TCEAL2: variants seen among roughly 807,000 people sequenced by gnomAD.
TCEAL2 encodes the protein transcription elongation factor A protein-like 2.
For missense variants in TCEAL2, 169 were observed against 166.6 expected, an observed-to-expected ratio of 1.01 and a Z score of -0.08; for synonymous variants, 65 against 57.9, an observed-to-expected ratio of 1.12 and a Z score of -0.55.
intron 1 of TCEAL2, chrX:102,126,167 C>T: frequency 7.9e-6 from 3 of 378,021 alleles, no homozygotes; most frequent in Non-Finnish European, 1.3e-5. Flanking sequence ...AGGTTGCCTC[C>T]GGGGAAGGGG....
chrX:102,126,462 G>A lies in TCEAL2; in HGVS notation c.-28+17G>A, dbSNP rs770129822. 2.7e-5 allele frequency: 28 copies of A among 1,022,202 alleles called. No individual in the cohort carries two copies. The Admixed American group carries it at 6.8e-4, about 25-fold the overall frequency. 84.2% of individuals were successfully genotyped at this position (1,022,202 alleles called of 1,213,427 possible). A position where few individuals can be genotyped will look rare whatever the true frequency, so the allele number is the denominator to read the frequency against. ...TCCCCGCAGGTCCGTGAAAGCAGGG[G>A]GCTGCATGGACAGGGGCCCACAAGG... On this transcript the variant is annotated intron_variant, in intron 2 of 2. Coordinates refer to ENST00000372780, the MANE Select transcript of TCEAL2 (RefSeq NM_080390.4).
At chrX:102,125,861 T>C (rs1602413151) in intron 1 of TCEAL2, 55 bp downstream of exon 1, 1 of 88,680 alleles carries the variant, frequency 1.1e-5, no homozygotes, top group African/African-American at 4.2e-5. Context: ...TGGAGGGGGC[T>C]GGCAGTAGGA....
Position 102,126,938 on chromosome X carries a change from G to A in TCEAL2, c.108G>A (p.Leu36=). The A allele has an allele frequency of 8.3e-7, 1 of 1,211,881 alleles. No individual in the cohort carries two copies. Among genetic ancestry groups the A allele is most frequent in the Non-Finnish European group, 1.1e-6 (1 of 895,406 alleles). Residue 36 remains leucine (L), a synonymous_variant, in exon 3 of 3, where the codon CTG becomes CTA. Transcript: ENST00000372780. ...GAAAGCCAGAAGTAGCTTGTATTCT[G>A]GAAGACAAGAAGTTAGAAAACGAGG... ...HEGKPEVACI[L]EDKKLENEGN...
At position 102,127,151 on chromosome X, in the gene TCEAL2, CAGTGAAAGAGAGCCAGAG is replaced by C. The variant is rs1351371443; in HGVS notation, c.327_344del (p.Arg110_Glu115del). The C allele has an allele frequency of 8.3e-7, 1 of 1,207,936 alleles. No individual in the cohort carries two copies. Among genetic ancestry groups the C allele is most frequent in the East Asian group, 3.0e-5 (1 of 33,760 alleles). On this transcript the variant is annotated inframe_deletion, in exon 3 of 3. Transcript: ENST00000372780. ...GGGCAGAGGGTGAAGGAGAGCCAGA[CAGTGAAAGAGAGCCAGAG>C]AGTGAGGGAGAGCCAGAAAGTGAAA...
rs773026689 is a variant in TCEAL2, at chrX:102,127,151, C to G, written c.321C>G (p.Asp107Glu). The change falls in exon 3 of 3, where the codon GAC becomes GAG. Residue 107 changes from aspartate to glutamate, a missense_variant. By Grantham distance (45) the Asp-to-Glu change is conservative. Coordinates refer to ENST00000372780, the MANE Select transcript of TCEAL2 (RefSeq NM_080390.4). ...GGGCAGAGGGTGAAGGAGAGCCAGA[C>G]AGTGAAAGAGAGCCAGAGAGTGAGG... ...GGRAEGEGEP[D>E]SEREPESEGE... 1.7e-6 allele frequency: 2 copies of G among 1,207,936 alleles called. No individual in the cohort carries two copies. The highest frequency in any genetic ancestry group is 1.8e-5 in the South Asian group (1 of 56,740).
chrX:102,127,321 A>G lies in TCEAL2; in HGVS notation c.491A>G (p.Asn164Ser). The G allele has an allele frequency of 8.3e-7, 1 of 1,211,479 alleles. No individual in the cohort carries two copies. Among genetic ancestry groups the G allele is most frequent in the Non-Finnish European group, 1.1e-6 (1 of 895,446 alleles). ...KEAIHDMNFS[N>S]EDMIREFDNM... ...GCCATACATGATATGAATTTCAGCA[A>G]TGAGGACATGATAAGAGAATTTGAC... Residue 164 changes from asparagine (N) to serine (S), a missense_variant, in exon 3 of 3, where the codon AAT becomes AGT. Coordinates refer to ENST00000372780, the MANE Select transcript of TCEAL2 (RefSeq NM_080390.4).
chrX:102,126,662 G>C lies in TCEAL2; in HGVS notation c.-27-142G>C, dbSNP rs184041046. The C allele has an allele frequency of 3.3e-4, 201 of 616,898 alleles. No individual in the cohort carries two copies. The African/African-American group carries it at 4.0e-3, about 12-fold the overall frequency. The allele number at this position is 616,898 out of a possible 1,213,427, so 50.8% of individuals were successfully genotyped here. Reference sequence around the variant, plus strand: ...TGGTGGGCTACGTGGTGGGCAGAAGGCCCTCTTGGAGGCCCAGTCAGCTTA... The same window carrying C: ...TGGTGGGCTACGTGGTGGGCAGAAGCCCCTCTTGGAGGCCCAGTCAGCTTA... On this transcript the variant is annotated intron_variant, in intron 2 of 2. Transcript: ENST00000372780.
rs780777631 is a variant in TCEAL2, at chrX:102,127,157, A to AAGAGAGCCAGAGAGTGAG, written c.328_345dup (p.Arg110_Glu115dup). 6 of 1,210,044 alleles carry AAGAGAGCCAGAGAGTGAG rather than the reference A, an allele frequency of 5.0e-6. No homozygotes were observed. The East Asian group carries it at 1.2e-4, about 24-fold the overall frequency. On this transcript the variant is annotated inframe_insertion, in exon 3 of 3. Coordinates refer to ENST00000372780, the MANE Select transcript of TCEAL2 (RefSeq NM_080390.4). ...AGGGTGAAGGAGAGCCAGACAGTGAAAGAGAGCCAGAGAGTGAGGGAGAGC... is the reference window on the plus strand; with the variant it reads ...AGGGTGAAGGAGAGCCAGACAGTGAAAGAGAGCCAGAGAGTGAGAGAGAGCCAGAGAGTGAGGGAGAGC...
In TCEAL2 at chrX:102,126,925, T is replaced by C; in HGVS notation, c.95T>C (p.Val32Ala). ...EQPPHEGKPE[V>A]ACILEDKKLE... is the part of the protein sequence containing the mutation. The stretch of plus-strand genomic sequence containing the variant: ...CCACCGCACGAGGGAAAGCCAGAAG[T>C]AGCTTGTATTCTGGAAGACAAGAAG... The change falls in exon 3 of 3, where the codon GTA (valine) becomes GCA (alanine). Residue 32 changes from valine to alanine, a missense_variant. Val to Ala is a moderately conservative substitution (Grantham distance 64, BLOSUM62 0). Transcript: ENST00000372780. 8.3e-7 allele frequency: 1 copy of C among 1,210,919 alleles called. No homozygotes were observed.
rs200939077 is a variant in TCEAL2 at position 102,127,290 on chromosome X, A to G, written c.460A>G (p.Lys154Glu). 2.5e-6 allele frequency: 3 copies of G among 1,209,740 alleles called. No homozygotes were observed. The highest frequency in any genetic ancestry group is 3.4e-6 in the Non-Finnish European group (3 of 895,164). The change falls in exon 3 of 3, where the codon AAG (lysine) becomes GAG (glutamate). Residue 154 changes from lysine to glutamate, a missense_variant. Coordinates refer to ENST00000372780, the MANE Select transcript of TCEAL2 (RefSeq NM_080390.4). ...GCTGGCTCAGTACCTCAAGCAATAT[A>G]AGGAAGCCATACATGATATGAATTT... ...KGLAQYLKQY[K>E]EAIHDMNFSN...
chrX:102,126,382 T>C lies in TCEAL2; in HGVS notation c.-91T>C. 1 of 1,103,154 alleles carries C rather than the reference T, an allele frequency of 9.1e-7. No individual in the cohort carries two copies. Among genetic ancestry groups the C allele is most frequent in the Non-Finnish European group, 1.2e-6 (1 of 817,770 alleles). The allele number at this position is 1,103,154 out of a possible 1,213,427, so 90.9% of individuals were successfully genotyped here. On this transcript the variant is annotated 5_prime_UTR_variant, in exon 2 of 3. Coordinates refer to ENST00000372780, the MANE Select transcript of TCEAL2 (RefSeq NM_080390.4). ...TCCTGTCTGTCCGCAGGTCTGCGCG[T>C]CTGTTGTTCCCAGCGCTCTGAGAGG...
In TCEAL2 at chrX:102,126,397, G is replaced by C; in HGVS notation, c.-76G>C. The C allele has an allele frequency of 2.7e-6, 3 of 1,105,349 alleles. No individual in the cohort carries two copies. Among genetic ancestry groups the C allele is most frequent in the Non-Finnish European group, 1.2e-6 (1 of 819,248 alleles). 91.1% of individuals were successfully genotyped at this position (1,105,349 alleles called of 1,213,427 possible). A position where few individuals can be genotyped will look rare whatever the true frequency, so the allele number is the denominator to read the frequency against. ...GGTCTGCGCGTCTGTTGTTCCCAGCGCTCTGAGAGGCCTGAAAAGGAAGAG... is the reference window on the plus strand; with the variant it reads ...GGTCTGCGCGTCTGTTGTTCCCAGCCCTCTGAGAGGCCTGAAAAGGAAGAG... On this transcript the variant is annotated 5_prime_UTR_variant, in exon 2 of 3. Coordinates refer to ENST00000372780, the MANE Select transcript of TCEAL2 (RefSeq NM_080390.4).
At chrX:102,126,154 G>A in intron 1 of TCEAL2, 1 of 350,132 alleles carries the variant, frequency 2.9e-6, no homozygotes, top group East Asian at 4.6e-5. Flanking sequence ...GTGGCGCTGG[G>A]GCAGGTTGCC....
At position 102,127,611 on chromosome X, in the gene TCEAL2, C is replaced by A; in HGVS notation, c.*97C>A. ...TGCTACCAGTAGCGTTTTGACCCACCTGCCAGTGTTTGCTTGCTCTATGTT... is the reference window on the plus strand; with the variant it reads ...TGCTACCAGTAGCGTTTTGACCCACATGCCAGTGTTTGCTTGCTCTATGTT... On this transcript the variant is annotated 3_prime_UTR_variant, in exon 3 of 3. Transcript: ENST00000372780. 1 of 967,420 alleles carries A rather than the reference C, an allele frequency of 1.0e-6. No individual in the cohort carries two copies. The highest frequency in any genetic ancestry group is 1.4e-6 in the Non-Finnish European group (1 of 722,891). 79.7% of individuals were successfully genotyped at this position (967,420 alleles called of 1,213,427 possible). A position where few individuals can be genotyped will look rare whatever the true frequency, so the allele number is the denominator to read the frequency against.
chrX:102,127,464 G>A lies in TCEAL2; in HGVS notation c.634G>A (p.Gly212Ser). 1 of 1,194,965 alleles carries A rather than the reference G, an allele frequency of 8.4e-7. No homozygotes were observed. Among genetic ancestry groups the A allele is most frequent in the Non-Finnish European group, 1.1e-6 (1 of 889,617 alleles). ...FYPRGPREFR[G>S]GCRAPRRDTE... ...TCCTAGGGGTCCAAGGGAATTCAGGGGTGGCTGCAGGGCCCCACGAAGGGA... is the reference window on the plus strand; with the variant it reads ...TCCTAGGGGTCCAAGGGAATTCAGGAGTGGCTGCAGGGCCCCACGAAGGGA... The change falls in exon 3 of 3, where the codon GGT becomes AGT. Residue 212 changes from glycine to serine, a missense_variant. Coordinates refer to ENST00000372780, the MANE Select transcript of TCEAL2 (RefSeq NM_080390.4).
chrX:102,126,525 G>A, intron 2 of TCEAL2, 80 bp downstream of exon 2: 1 of 700,964 alleles, frequency 1.4e-6, no homozygotes, highest in Non-Finnish European at 2.2e-6. Flanking sequence ...GCCGAATTGG[G>A]GCCCCTGCCC....
At chrX:102,125,998 A>C (rs1465405495) in intron 1 of TCEAL2, 192 bp downstream of exon 1, 1 of 119,224 alleles carries the variant, frequency 8.4e-6, no homozygotes, top group Non-Finnish European at 1.7e-5. Context: ...GCCCCCTTGC[A>C]CTGAGTCCTC....
rs2147773476 is a variant in TCEAL2 at position 102,125,706 on chromosome X, C to T, written c.-201C>T. ...CCCGCCCAGCGGTCGGGTCCGGGCGCCCGCGCAGAATCAGCTGTCTGAGCT... is the reference window on the plus strand; with the variant it reads ...CCCGCCCAGCGGTCGGGTCCGGGCGTCCGCGCAGAATCAGCTGTCTGAGCT... On this transcript the variant is annotated 5_prime_UTR_variant, in exon 1 of 3. Transcript: ENST00000372780. 1 of 112,386 alleles carries T rather than the reference C, an allele frequency of 8.9e-6. No individual in the cohort carries two copies. The highest frequency in any genetic ancestry group is 3.2e-5 in the African/African-American group (1 of 30,987). 9.3% of individuals were successfully genotyped at this position (112,386 alleles called of 1,213,427 possible). A position where few individuals can be genotyped will look rare whatever the true frequency, so the allele number is the denominator to read the frequency against.
chrX:102,126,783 C>T (rs776554143), intron 2 of TCEAL2, 21 bp from the exon 3 acceptor site: 1 of 1,153,775 alleles, frequency 8.7e-7, no homozygotes, highest in Admixed American at 2.6e-5. Flanking sequence ...GTCTCCTCTT[C>T]CCTCCACACC....
Sources: allele counts gnomAD v4.1 joint callset, GRCh38; gene constraint gnomAD v4.1.1; transcripts MANE v1.5; gene names NCBI Gene and HGNC (gene_info 2026-07-23, HGNC 2026-07-21).